REXO1: variants seen among roughly 807,000 people sequenced by gnomAD.
REXO1 encodes REX1, RNA exonuclease 1 homolog.
REXO1 carries 42 observed loss-of-function variants against 102.6 expected under a neutral mutation model. The ratio of observed to expected loss-of-function variants is 0.41; its 90% CI spans 0.32 to 0.53. The LOEUF (loss-of-function observed/expected upper bound fraction) is 0.53, where lower values mean the gene tolerates loss of function less well. Ranked by LOEUF, REXO1 falls within the 20% of genes least tolerant of loss-of-function variation. The pLI, the probability that REXO1 is intolerant of heterozygous loss-of-function variation, is 0.27. For missense variants in REXO1, 1,819 were observed against 1,732.5 expected (o/e 1.05, Z -0.89); for synonymous variants, 908 against 779.1 (o/e 1.17, Z -2.76).
intron 1 of REXO1, among the ~76,000 whole-genome samples, chr19:1,840,986 A>G (rs1406744010): frequency 5.9e-5 from 9 of 152,226 alleles, no homozygotes. Flanking sequence ...GGCTCCAGGC[A>G]CGCAGCCTGT....
chr19:1,828,639 GA>G lies in REXO1; in HGVS notation c.158-9del, dbSNP rs2069818986. The G allele has an allele frequency of 6.3e-7, 1 of 1,592,488 alleles. No individual in the cohort carries two copies. The highest frequency in any genetic ancestry group is 8.5e-7 in the Non-Finnish European group (1 of 1,175,196). ...AGGGGTCGTAACCCAGCCCTGAAGG[GA>G]ACAGAGAGCACAGCTGTGACCAGCC... is the stretch of plus-strand genomic sequence containing the variant. On this transcript the variant is annotated splice_polypyrimidine_tract_variant and intron_variant, in intron 1 of 15. Coordinates refer to ENST00000170168, the MANE Select transcript of REXO1 (RefSeq NM_020695.4).
In REXO1 at chr19:1,817,058, T is replaced by C. The variant is rs563011925; in HGVS notation, c.3201+161A>G. ...GTGTGCTTGGCTCTGCTGGGAAGTA[T>C]GGGGTGTTGGTCCAGGGCAGGAGCC... On this transcript the variant is annotated intron_variant, in intron 12 of 15. Transcript: ENST00000170168. The C allele has an allele frequency of 4.5e-4, 389 of 870,704 alleles. 1 individual carries two copies. Among genetic ancestry groups the C allele is most frequent in the Non-Finnish European group, 5.0e-4 (289 of 577,104 alleles). 53.9% of individuals were successfully genotyped at this position (870,704 alleles called of 1,614,324 possible).
chr19:1,828,695 G>A (rs1182454024), intron 1 of REXO1, 64 bp from the exon 2 acceptor site: 30 of 1,493,176 alleles, frequency 2.0e-5, no homozygotes, highest in East Asian at 2.4e-5. Flanking sequence ...GCATGGGGGC[G>A]GCCCCGGTCT....
Position 1,819,925 on chromosome 19 carries a change from A to ACTCACTGCTGAGGCCCCGCCCGCCG in REXO1, c.2650+8_2650+9insCGGCGGGCGGGGCCTCAGCAGTGAG, listed in dbSNP as rs533533252. 447 of 1,568,236 alleles carry ACTCACTGCTGAGGCCCCGCCCGCCG rather than the reference A, an allele frequency of 2.9e-4. 2 individuals are homozygous for ACTCACTGCTGAGGCCCCGCCCGCCG. The African/African-American group carries it at 5.4e-3, about 19-fold the overall frequency. ...CCTGAGCCTCCCCCGCCCACCCGCCAGGACTCACTGCTGAGGCCGGGCACA... is the reference window on the plus strand; with the variant it reads ...CCTGAGCCTCCCCCGCCCACCCGCCACTCACTGCTGAGGCCCCGCCCGCCGGGACTCACTGCTGAGGCCGGGCACA... On this transcript the variant is annotated intron_variant, in intron 7 of 15. Coordinates refer to ENST00000170168, the MANE Select transcript of REXO1 (RefSeq NM_020695.4).
chr19:1,828,294 G>A lies in REXO1; in HGVS notation c.495C>T (p.Tyr165=), dbSNP rs200935495. The A allele has an allele frequency of 7.7e-5, 124 of 1,607,498 alleles. 1 individual carries two copies. The East Asian group carries it at 1.5e-3, about 20-fold the overall frequency. Reference sequence around the variant, plus strand: ...CAGGGGCGGCCAGTGGGGTGGGCTGGTAGCCGGCATCAGGGCTTAATAGGC... The same window carrying A: ...CAGGGGCGGCCAGTGGGGTGGGCTGATAGCCGGCATCAGGGCTTAATAGGC... ...SHGLLSPDAG[Y]QPTPLAAPAE... The change falls in exon 2 of 16, where the codon TAC becomes TAT. Residue 165 remains tyrosine (Y), a synonymous_variant. Transcript: ENST00000170168.
chr19:1,818,576 G>C lies in REXO1; in HGVS notation c.2922C>G (p.Cys974Trp). 1 of 1,611,060 alleles carries C rather than the reference G, an allele frequency of 6.2e-7. No individual in the cohort carries two copies. The highest frequency in any genetic ancestry group is 8.5e-7 in the Non-Finnish European group (1 of 1,179,344). Residue 974 changes from cysteine to tryptophan, a missense_variant, in exon 10 of 16, where the codon TGC becomes TGG. Coordinates refer to ENST00000170168, the MANE Select transcript of REXO1 (RefSeq NM_020695.4). Reference sequence around the variant, plus strand: ...ACACGAGGTACTCGGTGCCACAGCGGCAGCAGGTCCTGCAGGAAGCTGTGG... The same window carrying C: ...ACACGAGGTACTCGGTGCCACAGCGCCAGCAGGTCCTGCAGGAAGCTGTGG... Reference protein sequence around the residue: ...RPKDSSCRTCCRCGTEYLVSS... With the variant: ...RPKDSSCRTCWRCGTEYLVSS...
In REXO1 at chr19:1,827,882, T is replaced by C. The variant is rs759791072; in HGVS notation, c.907A>G (p.Thr303Ala). Reference protein sequence around the residue: ...AATVPGNEPTTASTPKARADP... With the variant: ...AATVPGNEPTAASTPKARADP... ...GCCCTGGCTTTGGGGGTGCTGGCCG[T>C]GGTGGGCTCGTTACCTGGGACCGTG... The change falls in exon 2 of 16, where the codon ACG becomes GCG. Residue 303 changes from threonine to alanine, a missense_variant. Transcript: ENST00000170168. 7 of 1,613,496 alleles carry C rather than the reference T, an allele frequency of 4.3e-6. No individual in the cohort carries two copies. In the East Asian group the frequency reaches 1.3e-4, roughly 31 times the overall value.
Position 1,819,964 on chromosome 19 carries a change from G to A in REXO1, c.2620C>T (p.Leu874=), listed in dbSNP as rs763598636. Residue 874 remains leucine (L), a synonymous_variant, in exon 7 of 16, where the codon CTG becomes TTG. Coordinates refer to ENST00000170168, the MANE Select transcript of REXO1 (RefSeq NM_020695.4). ...AVNTLKKLRG[L]APSAVPGLSK... Reference sequence around the variant, plus strand: ...AGGCCGGGCACAGCGCTGGGGGCCAGGCCCCTGAGCTTCTTGAGGGTGTTC... The same window carrying A: ...AGGCCGGGCACAGCGCTGGGGGCCAAGCCCCTGAGCTTCTTGAGGGTGTTC... The A allele has an allele frequency of 1.3e-6, 2 of 1,589,730 alleles. No homozygotes were observed. Among genetic ancestry groups the A allele is most frequent in the Non-Finnish European group, 1.7e-6 (2 of 1,171,676 alleles).
chr19:1,816,401 A>G (rs1400692421), intron 14 of REXO1, 30 bp downstream of exon 14: 3 of 1,603,272 alleles, frequency 1.9e-6, no homozygotes, highest in African/African-American at 2.7e-5. Context: ...CCTGCTGGAG[A>G]ACCGCGCGGG....
intron 3 of REXO1, among the ~76,000 whole-genome samples, chr19:1,825,591 T>C (rs951119769): frequency 2.0e-5 from 3 of 151,916 alleles, no homozygotes; most frequent in Admixed American, 6.6e-5. Flanking sequence ...TTCTCCTGCC[T>C]CAGCCTCTCT....
In REXO1 at chr19:1,816,505, CG is replaced by C; in HGVS notation, c.3381del (p.Val1128PhefsTer3). 1 of 1,612,380 alleles carries C rather than the reference CG, an allele frequency of 6.2e-7. No homozygotes were observed. Among genetic ancestry groups the C allele is most frequent in the Non-Finnish European group, 8.5e-7 (1 of 1,179,648 alleles). ...TCAGCGCTGAACATGCTCAGCAGAACGGCCTGGACGTCACGCAGCGTGACAC... is the reference window on the plus strand; with the variant it reads ...TCAGCGCTGAACATGCTCAGCAGAACGCCTGGACGTCACGCAGCGTGACAC... ...DTSVTLRDVQ[A>X]VLLSMFSADT... On this transcript the variant is annotated frameshift_variant, in exon 14 of 16. Coordinates refer to ENST00000170168, the MANE Select transcript of REXO1 (RefSeq NM_020695.4). LOFTEE classifies it high-confidence loss of function.
intron 1 of REXO1, among the ~76,000 whole-genome samples, chr19:1,832,177 G>A (rs1175821006): frequency 2.0e-5 from 3 of 152,190 alleles, no homozygotes; most frequent in Non-Finnish European, 4.4e-5. Context: ...GGAGGAAGGC[G>A]CCCTGAGCCG....
rs1003963553 is a variant in REXO1 at position 1,838,537 on chromosome 19, C to T, written c.157+9665G>A. ...TCCCATGCCTGGGCGCAGTAGCTCA[C>T]GCCTGTAATCCCAGCTACTCGGGAG... On this transcript the variant is annotated intron_variant, in intron 1 of 15. Transcript: ENST00000170168. Among the ~76,000 whole-genome samples, 6 of 150,776 alleles carry T rather than the reference C, an allele frequency of 4.0e-5. 1 individual carries two copies.
chr19:1,824,095 A>T (rs755809271), intron 3 of REXO1: 1 of 303,176 alleles, frequency 3.3e-6, no homozygotes, highest in Non-Finnish European at 6.1e-6. Context: ...CACTACGCCT[A>T]ATCTTCCTCA....
Position 1,815,548 on chromosome 19 carries a change from G to T in REXO1, c.*518C>A. 1.9e-6 allele frequency: 1 copy of T among 518,570 alleles called. No individual in the cohort carries two copies. Among genetic ancestry groups the T allele is most frequent in the Non-Finnish European group, 2.8e-6 (1 of 357,398 alleles). The allele number at this position is 518,570 out of a possible 1,614,324, so 32.1% of individuals were successfully genotyped here. ...GAGTGTGGCCCTGGCCCCCACTGGG[G>T]TCTGTCCCACCCCCACCCCGCAGGA... On this transcript the variant is annotated 3_prime_UTR_variant, in exon 16 of 16. Transcript: ENST00000170168. The surrounding 1 kb of genome is among the most constrained non-coding windows in gnomAD (Gnocchi z 4.0).
intron 10 of REXO1, 93 bp downstream of exon 10, chr19:1,818,389 G>A (rs2069432760): frequency 1.0e-6 from 1 of 966,612 alleles, no homozygotes; most frequent in Non-Finnish European, 1.6e-6. Context: ...GAGGGCCTGG[G>A]TAAAGCCTTA....
At chr19:1,829,765 A>C (rs1347804730) in intron 1 of REXO1, among the ~76,000 whole-genome samples, 5 of 152,130 alleles carry the variant, frequency 3.3e-5, no homozygotes, top group Admixed American at 3.3e-4. Context: ...CCGAGATCAC[A>C]CCATTGCACT....
At chr19:1,842,349 G>C (rs1389795093) in intron 1 of REXO1, among the ~76,000 whole-genome samples, 1 of 152,226 alleles carries the variant, frequency 6.6e-6, no homozygotes, top group Non-Finnish European at 1.5e-5. Context: ...CAGCACTGAA[G>C]GGTGCTGAGC....
At chr19:1,831,568 T>C (rs993307660) in intron 1 of REXO1, among the ~76,000 whole-genome samples, 5 of 151,664 alleles carry the variant, frequency 3.3e-5, no homozygotes, top group Admixed American at 6.6e-5. Flanking sequence ...TTCGGCCGGT[T>C]GTGGTGGCTC....
Sources: gnomAD v4.1 joint callset for allele counts (sites outside exome capture counted in the v4.1 genomes callset) on GRCh38, gnomAD v4.1.1 for gene constraint, Gnocchi (gnomAD v3.1) non-coding constraint, MANE v1.5 for transcripts, NCBI Gene and HGNC (gene_info 2026-07-23, HGNC 2026-07-21) for gene names.